Variants in FANCG observed in about 807,000 individuals in gnomAD.
FANCG encodes the protein Fanconi anemia group G protein.
In FANCG, 67 loss-of-function variants were observed where a neutral mutation model predicts 73.3. The observed-to-expected ratio is 0.91, with a 90% CI of 0.75 to 1.12. The LOEUF (loss-of-function observed/expected upper bound fraction) is 1.12, where lower values mean the gene tolerates loss of function less well. Among genes scored for constraint, FANCG ranks in the 50% most tolerant of loss-of-function variants. The probability of loss-of-function intolerance (pLI) is 0.00; values close to 1 mark genes in which losing one functional copy is unlikely to be tolerated. For synonymous variants in FANCG, 297 were observed against 311.6 expected (o/e 0.95, Z 0.49); for missense variants, 643 against 735.6 (o/e 0.87, Z 1.46).
At chr9:35,074,264 G>A (rs373796469) in intron 13 of FANCG, 48 bp from the exon 14 acceptor site, 2 of 1,611,898 alleles carry the variant, frequency 1.2e-6, no homozygotes, top group African/African-American at 1.3e-5. Flanking sequence ...TTGGCAGAAA[G>A]CTGGGCAGCC....
rs1200803980 is a variant in FANCG, at chr9:35,079,937, G to A, written c.-413C>T. 2.6e-6 allele frequency: 1 copy of A among 391,978 alleles called. No homozygotes were observed. Among genetic ancestry groups the A allele is most frequent in the Non-Finnish European group, 4.8e-6 (1 of 208,438 alleles). 24.3% of individuals were successfully genotyped at this position (391,978 alleles called of 1,614,324 possible). ...GCTCTCGCGGAGGCCACAGCCTCGA[G>A]AAAGGGTGGGCGGGAGCGAGTTTCG... On this transcript the variant is annotated 5_prime_UTR_variant, in exon 1 of 14. Transcript: ENST00000378643.
intron 3 of FANCG, 90 bp from the exon 4 acceptor site, chr9:35,078,433 T>C: frequency 6.5e-7 from 1 of 1,528,462 alleles, no homozygotes; most frequent in Non-Finnish European, 9.0e-7. Context: ...TTTCCTCTCC[T>C]GCAGGACCCC....
rs373796469 is a variant in FANCG at position 35,074,264 on chromosome 9, G to C, written c.1761-48C>G. 11 of 1,611,898 alleles carry C rather than the reference G, an allele frequency of 6.8e-6. No homozygotes were observed. In the African/African-American group the frequency reaches 1.3e-4, roughly 20 times the overall value. On this transcript the variant is annotated intron_variant, in intron 13 of 13. Transcript: ENST00000378643. ...CCTAAGGGTGAAAGATTGGCAGAAA[G>C]CTGGGCAGCCATACCCCCGCTTTCA...
Position 35,078,180 on chromosome 9 carries a change from C to T in FANCG, c.471G>A (p.Gly157=). 6.2e-7 allele frequency: 1 copy of T among 1,614,142 alleles called. No homozygotes were observed. The highest frequency in any genetic ancestry group is 2.2e-5 in the East Asian group (1 of 44,880). ...GGGTCTCTAGTAACAAGGCCAGGTCCCCAAGACGGTCAGCACTCAACCAGA... is the reference window on the plus strand; with the variant it reads ...GGGTCTCTAGTAACAAGGCCAGGTCTCCAAGACGGTCAGCACTCAACCAGA... ...AALWLSADRL[G]DLALLLETLN... Residue 157 remains glycine, a synonymous_variant, in exon 4 of 14, where the codon GGG becomes GGA. Coordinates refer to ENST00000378643, the MANE Select transcript of FANCG (RefSeq NM_004629.2).
intron 12 of FANCG, 116 bp from the exon 13 acceptor site, chr9:35,074,610 T>C (rs778436999): frequency 1.2e-5 from 16 of 1,375,252 alleles, no homozygotes; most frequent in Non-Finnish European, 1.6e-5. Context: ...CACTCACATA[T>C]GGAAGCGGGG....
chr9:35,075,341 G>C lies in FANCG; in HGVS notation c.1434-16C>G, dbSNP rs761391172. On this transcript the variant is annotated splice_polypyrimidine_tract_variant and intron_variant, in intron 10 of 13. Coordinates refer to ENST00000378643, the MANE Select transcript of FANCG (RefSeq NM_004629.2). ...CTCGAGGCACCTGAAGTAGGACACA[G>C]AACAGGGGTGAAGAGGAATCAATTT... 2.5e-6 allele frequency: 4 copies of C among 1,614,090 alleles called. No individual in the cohort carries two copies. The highest frequency in any genetic ancestry group is 2.2e-5 in the East Asian group (1 of 44,884).
chr9:35,078,482 G>T, intron 3 of FANCG, 123 bp downstream of exon 3: 1 of 1,528,676 alleles, frequency 6.5e-7, no homozygotes, highest in Non-Finnish European at 9.0e-7. Flanking sequence ...GGTCTGAAGA[G>T]CACAGAGAAG....
In FANCG at chr9:35,079,434, G is replaced by A. The variant is rs1350149339; in HGVS notation, c.84+7C>T. 4 of 1,613,928 alleles carry A rather than the reference G, an allele frequency of 2.5e-6. No individual in the cohort carries two copies. In the South Asian group the frequency reaches 3.3e-5, roughly 13 times the overall value. The stretch of plus-strand genomic sequence containing the variant: ...CTGCAAACCGAGGGTGCCAGCAACC[G>A]TGTTACCTTGGCCTGTCGAACGAGC... On this transcript the variant is annotated splice_region_variant and intron_variant, in intron 1 of 13. Coordinates refer to ENST00000378643, the MANE Select transcript of FANCG (RefSeq NM_004629.2).
rs1354389163 is a variant in FANCG, at chr9:35,079,606, G to A, written c.-82C>T. The stretch of plus-strand genomic sequence containing the variant: ...CTGCCCAAGCTCCCAACCCCAGCGG[G>A]GAGGGGCCTGGGCACTTCTGCACCC... On this transcript the variant is annotated 5_prime_UTR_variant, in exon 1 of 14. Transcript: ENST00000378643. 2 of 1,419,468 alleles carry A rather than the reference G, an allele frequency of 1.4e-6. No individual in the cohort carries two copies. Among genetic ancestry groups the A allele is most frequent in the Admixed American group, 1.7e-5 (1 of 59,598 alleles). 87.9% of individuals were successfully genotyped at this position (1,419,468 alleles called of 1,614,324 possible). A position where few individuals can be genotyped will look rare whatever the true frequency, so the allele number is the denominator to read the frequency against.
At chr9:35,076,665 C>G in intron 7 of FANCG, 59 bp downstream of exon 7, 5 of 1,613,872 alleles carry the variant, frequency 3.1e-6, no homozygotes, top group Non-Finnish European at 4.2e-6. Flanking sequence ...AGTCAAGTCA[C>G]CCCATCACAA....
In FANCG at chr9:35,075,945, C is replaced by A. The variant is rs753111489; in HGVS notation, c.1143+17G>T. On this transcript the variant is annotated intron_variant, in intron 9 of 13. Coordinates refer to ENST00000378643, the MANE Select transcript of FANCG (RefSeq NM_004629.2). ...ACCCGTCTACCCCATTGCAGAGAAG[C>A]TTGAAGACACACCCACCCTTGGCTC... The A allele has an allele frequency of 6.2e-7, 1 of 1,613,890 alleles. No homozygotes were observed. The highest frequency in any genetic ancestry group is 1.3e-5 in the African/African-American group (1 of 74,932).
At chr9:35,078,531 C>T in intron 3 of FANCG, 74 bp downstream of exon 3, 1 of 1,603,204 alleles carries the variant, frequency 6.2e-7, no homozygotes, top group South Asian at 1.1e-5. Flanking sequence ...GTTGTTTATC[C>T]TCCCATCTCC....
At chr9:35,075,441 C>T (rs777880901) in intron 10 of FANCG, 24 bp downstream of exon 10, 2 of 1,614,076 alleles carry the variant, frequency 1.2e-6, no homozygotes, top group South Asian at 1.1e-5. Context: ...TCCCTCCACA[C>T]CCCCTCTAGG....
intron 8 of FANCG, 174 bp downstream of exon 8, chr9:35,076,258 A>AGAGAAGAG (rs1483821660): frequency 6.1e-6 from 5 of 813,280 alleles, no homozygotes; most frequent in Non-Finnish European, 1.0e-5. Flanking sequence ...TTAATGTCTT[A>AGAGAAGAG]GAGAAGAGTC....
At chr9:35,079,417 C>T (rs1829143365) in intron 1 of FANCG, 24 bp downstream of exon 1, 1 of 1,613,774 alleles carries the variant, frequency 6.2e-7, no homozygotes, top group Admixed American at 1.7e-5. Context: ...GGCTGCAAAC[C>T]GAGGGTGCCA....
At position 35,076,743 on chromosome 9, in the gene FANCG, C is replaced by A. The variant is rs61757386; in HGVS notation, c.905G>T (p.Ser302Ile). ...CCCTACCTCAACTAGCAGCTCCAGA[C>A]TCTCCAGCTCTGCTGTTGTGTCCCC... is the stretch of plus-strand genomic sequence containing the variant. ...QLGDTTAELE[S>I]LELLVEALNV... Residue 302 changes from serine to isoleucine, a missense_variant, in exon 7 of 14, where the codon AGT becomes ATT. By Grantham distance (142) the Ser-to-Ile change is moderately radical (BLOSUM62 -2). Transcript: ENST00000378643. 80 of 1,614,122 alleles carry A rather than the reference C, an allele frequency of 5.0e-5. No individual in the cohort carries two copies. Among genetic ancestry groups the A allele is most frequent in the Non-Finnish European group, 6.7e-5 (79 of 1,180,052 alleles).
At chr9:35,077,573 A>G (rs1414372165) in intron 4 of FANCG, among the ~76,000 whole-genome samples, 174 bp from the exon 5 acceptor site, 2 of 151,976 alleles carry the variant, frequency 1.3e-5, no homozygotes, top group African/African-American at 2.4e-5. Context: ...GTTTCCCCCA[A>G]TTCTAAGAGA....
chr9:35,079,399 G>T (rs1012973034), intron 1 of FANCG, 42 bp downstream of exon 1: 1 of 1,609,370 alleles, frequency 6.2e-7, no homozygotes, highest in African/African-American at 1.3e-5. Flanking sequence ...CGCTTTCAGG[G>T]ATCTTGAGGC....
Position 35,074,489 on chromosome 9 carries a change from G to C in FANCG, c.1642C>G (p.Arg548Gly), listed in dbSNP as rs779834525. ...LLSVQMCPGN[R>G]DTYFHLLQTL... ...TGAAGCAGGTGAAAGTAAGTGTCTCGATTACCTGTAGCCCCAGCCCAGAGT... is the reference window on the plus strand; with the variant it reads ...TGAAGCAGGTGAAAGTAAGTGTCTCCATTACCTGTAGCCCCAGCCCAGAGT... Residue 548 changes from arginine to glycine, a missense_variant, in exon 13 of 14, where the codon CGA becomes GGA. Physicochemically the swap from Arg to Gly is moderately radical, Grantham distance 125. Transcript: ENST00000378643. 4 of 1,613,854 alleles carry C rather than the reference G, an allele frequency of 2.5e-6. 1 individual carries two copies. The highest frequency in any genetic ancestry group is 3.3e-4 in the Middle Eastern group (2 of 6,084).
Sources: gnomAD v4.1 joint callset for allele counts (sites outside exome capture counted in the v4.1 genomes callset) on GRCh38, gnomAD v4.1.1 for gene constraint, MANE v1.5 for transcripts, NCBI Gene and HGNC (gene_info 2026-07-23, HGNC 2026-07-21) for gene names.